The following MYO3A variants were observed in gnomAD, a reference collection of about 807,000 sequenced individuals.
MYO3A encodes myosin-IIIa.
In MYO3A, 180 loss-of-function variants were observed where a neutral mutation model predicts 192.7. That is an observed-to-expected ratio of 0.93 (90% CI 0.83 to 1.06). The LOEUF (loss-of-function observed/expected upper bound fraction) is 1.06, where lower values mean the gene tolerates loss of function less well. Ranked by LOEUF, MYO3A falls within the 50% of genes least tolerant of loss-of-function variation. MYO3A has a pLI of 0.00. For missense variants in MYO3A, 1,896 were observed against 1,905.0 expected, an observed-to-expected ratio of 1.00 and a Z score of 0.09; for synonymous variants, 628 against 645.3, an observed-to-expected ratio of 0.97 and a Z score of 0.41.
chr10:26,127,704 A>G (rs1839297249), intron 19 of MYO3A, among the ~76,000 whole-genome samples: 1 of 151,908 alleles, frequency 6.6e-6, no homozygotes, highest in African/African-American at 2.4e-5. Context: ...CATCAAAATA[A>G]CTCTACAATG....
At position 26,174,337 on chromosome 10, in the gene MYO3A, G is replaced by C; in HGVS notation, c.4073G>C (p.Arg1358Pro). 6.2e-7 allele frequency: 1 copy of C among 1,614,134 alleles called. No individual in the cohort carries two copies. Among genetic ancestry groups the C allele is most frequent in the South Asian group, 1.1e-5 (1 of 91,072 alleles). ...GCGGTATTCATTCAGAGCAAATACC[G>C]GGGTTACAAGAGAAGGCAGCAGTTG... ...KAAVFIQSKY[R>P]GYKRRQQLRK... The change falls in exon 30 of 35, where the codon CGG becomes CCG. Residue 1358 changes from arginine to proline, a missense_variant. Transcript: ENST00000642920.
intron 31 of MYO3A, among the ~76,000 whole-genome samples, chr10:26,187,380 A>G (rs1842915096): frequency 6.6e-6 from 1 of 152,194 alleles, no homozygotes; most frequent in African/African-American, 2.4e-5. Context: ...ACAGTTCTGG[A>G]GGCTAGAAGT....
At chr10:26,034,947 GCACACATCA>G (rs1842960926) in intron 10 of MYO3A, among the ~76,000 whole-genome samples, 1 of 151,088 alleles carries the variant, frequency 6.6e-6, no homozygotes. Context: ...GTGTGTGTGC[GCACACATCA>G]TTTGTGCTTA....
intron 4 of MYO3A, among the ~76,000 whole-genome samples, chr10:25,993,179 A>G (rs1298968379): frequency 2.0e-5 from 3 of 152,068 alleles, no homozygotes; most frequent in Admixed American, 2.0e-4. Context: ...TATTGCCTCA[A>G]TTTCAGAGCC....
intron 17 of MYO3A, among the ~76,000 whole-genome samples, chr10:26,109,544 A>C (rs1838030262): frequency 6.6e-6 from 1 of 152,160 alleles, no homozygotes; most frequent in Non-Finnish European, 1.5e-5. Flanking sequence ...TACATAGTAC[A>C]TATATAGAGA....
chr10:26,007,214 G>T (rs1318868131), intron 6 of MYO3A, among the ~76,000 whole-genome samples: 6,263 of 139,672 alleles, frequency 0.045, 368 homozygotes, highest in African/African-American at 0.12. Context: ...ATAAATTAGG[G>T]ATTGATTGGA....
intron 4 of MYO3A, among the ~76,000 whole-genome samples, chr10:25,986,800 C>A (rs1839681596): frequency 6.6e-6 from 1 of 152,080 alleles, no homozygotes; most frequent in Admixed American, 6.5e-5. Flanking sequence ...AAGCAATCTA[C>A]AAATTCAATG....
At chr10:26,205,408 T>C (rs1267022735) in intron 34 of MYO3A, among the ~76,000 whole-genome samples, 1 of 148,682 alleles carries the variant, frequency 6.7e-6, no homozygotes, top group Non-Finnish European at 1.5e-5. Context: ...CTCTCCCCAG[T>C]CCCGTGACCA....
At position 26,036,754 on chromosome 10, in the gene MYO3A, G is replaced by C. The variant is rs569208805; in HGVS notation, c.953+10222G>C. 5.3e-5 allele frequency among the ~76,000 whole-genome samples: 8 copies of C among 152,210 alleles called. No homozygotes were observed. The East Asian group carries it at 1.5e-3, about 29-fold the overall frequency. ...GGATCCACCCATACTGTAGCCCCTG[G>C]GGCCACTTGCTGGTTGCTGAACCTG... is the stretch of plus-strand genomic sequence containing the variant. On this transcript the variant is annotated intron_variant, in intron 10 of 34. Coordinates refer to ENST00000642920, the MANE Select transcript of MYO3A (RefSeq NM_017433.5).
At chr10:26,055,849 T>C (rs774991623) in intron 10 of MYO3A, among the ~76,000 whole-genome samples, 1 of 152,334 alleles carries the variant, frequency 6.6e-6, no homozygotes, top group South Asian at 2.1e-4. Context: ...AACTATAGAA[T>C]GCTTCCACTC....
At chr10:26,034,909 GTTT>G (rs894982741) in intron 10 of MYO3A, among the ~76,000 whole-genome samples, 4 of 147,132 alleles carry the variant, frequency 2.7e-5, no homozygotes, top group African/African-American at 7.4e-5. Flanking sequence ...ATGTTTTTGT[GTTT>G]TTTTTACATG....
At chr10:25,991,944 G>A (rs1165711579) in intron 4 of MYO3A, among the ~76,000 whole-genome samples, 4 of 152,174 alleles carry the variant, frequency 2.6e-5, no homozygotes, top group Non-Finnish European at 5.9e-5. Flanking sequence ...AAGTCAGGTA[G>A]CGTGTTGCCT....
intron 7 of MYO3A, among the ~76,000 whole-genome samples, chr10:26,020,040 G>A (rs370622319): frequency 1.8e-4 from 27 of 151,688 alleles, no homozygotes; most frequent in Admixed American, 1.5e-3. Flanking sequence ...AAACTATTCT[G>A]TCTTTATATA....
intron 17 of MYO3A, among the ~76,000 whole-genome samples, chr10:26,101,510 G>A (rs1043324743): frequency 6.6e-6 from 1 of 152,116 alleles, no homozygotes; most frequent in African/African-American, 2.4e-5. Flanking sequence ...TTTACAATTT[G>A]GCATGTTTTT....
At chr10:26,028,334 T>C (rs1842652532) in intron 10 of MYO3A, among the ~76,000 whole-genome samples, 4 of 152,244 alleles carry the variant, frequency 2.6e-5, no homozygotes, top group Admixed American at 2.6e-4. Flanking sequence ...GTAAATGGAC[T>C]AATGATTGTG....
At chr10:26,005,153 C>G (rs1841102129) in intron 6 of MYO3A, among the ~76,000 whole-genome samples, 1 of 152,070 alleles carries the variant, frequency 6.6e-6, no homozygotes, top group Admixed American at 6.6e-5. Flanking sequence ...GCAAACATAA[C>G]TAGTAATGAG....
chr10:26,202,771 GAT>G (rs1843734344), intron 33 of MYO3A, 191 bp from the exon 34 acceptor site: 1 of 574,372 alleles, frequency 1.7e-6, no homozygotes, highest in African/African-American at 1.9e-5. Context: ...TTCAAGGTAA[GAT>G]ATGAAGGTTT....
At chr10:26,080,275 T>G (rs1835838145) in intron 14 of MYO3A, among the ~76,000 whole-genome samples, 1 of 152,184 alleles carries the variant, frequency 6.6e-6, no homozygotes, top group Non-Finnish European at 1.5e-5. Context: ...AGACCTTGTC[T>G]TCGAGCTCTG....
At chr10:26,188,039 T>C (rs2132121403) in intron 31 of MYO3A, among the ~76,000 whole-genome samples, 1 of 152,310 alleles carries the variant, frequency 6.6e-6, no homozygotes, top group East Asian at 1.9e-4. Context: ...ATGGTATTTC[T>C]AGTTCTAGAT....
Sources: allele counts gnomAD v4.1 joint callset (sites outside exome capture counted in the v4.1 genomes callset), GRCh38; gene constraint gnomAD v4.1.1; transcripts MANE v1.5; gene names NCBI Gene and HGNC (gene_info 2026-07-23, HGNC 2026-07-21).